Variants in DNMT3L observed in about 807,000 individuals in gnomAD.
The protein encoded by DNMT3L is DNA methyltransferase 3 like.
DNMT3L carries 33 observed loss-of-function variants against 36.2 expected under a neutral mutation model. That is an observed-to-expected ratio of 0.91 (90% CI 0.69 to 1.22). The LOEUF (loss-of-function observed/expected upper bound fraction) is 1.22. Ranked by LOEUF, DNMT3L falls within the 50% of genes most tolerant of loss-of-function variation. The probability of loss-of-function intolerance (pLI) is 0.00; values close to 1 mark genes in which losing one functional copy is unlikely to be tolerated. For synonymous variants in DNMT3L, 117 were observed against 121.7 expected, an observed-to-expected ratio of 0.96 and a Z score of 0.26; for missense variants, 310 against 303.1, an observed-to-expected ratio of 1.02 and a Z score of -0.17.
intron 5 of DNMT3L, among the ~76,000 whole-genome samples, chr21:44,259,197 C>G (rs901454928): frequency 6.6e-6 from 1 of 152,110 alleles, no homozygotes; most frequent in Non-Finnish European, 1.5e-5. Flanking sequence ...TCCATCGCTC[C>G]CCTGCACAGC....
intron 3 of DNMT3L, among the ~76,000 whole-genome samples, chr21:44,260,101 T>C (rs563576796): frequency 4.1e-5 from 6 of 146,430 alleles, no homozygotes; most frequent in African/African-American, 1.3e-4. Flanking sequence ...TAAAATAGCA[T>C]GAGTCCCCAA....
chr21:44,259,476 C>G lies in DNMT3L; in HGVS notation c.305G>C (p.Gly102Ala), dbSNP rs549252923. Residue 102 changes from glycine to alanine, a missense_variant, in exon 5 of 12, where the codon GGA (glycine) becomes GCA (alanine). By Grantham distance (60) the Gly-to-Ala change is moderately conservative. Transcript: ENST00000628202. Reference protein sequence around the residue: ...YQSYCSICCSGETLLICGNPD... With the variant: ...YQSYCSICCSAETLLICGNPD... ...GTTTCCGCAGATGAGCAGCGTCTCT[C>G]CGGAGCAGCAGATGGAGCAGTAGGA... 15 of 1,613,676 alleles carry G rather than the reference C, an allele frequency of 9.3e-6. No homozygotes were observed. The East Asian group carries it at 2.9e-4, about 31-fold the overall frequency.
Position 44,256,080 on chromosome 21 carries a change from T to C in DNMT3L, c.591A>G (p.Glu197=), listed in dbSNP as rs760421938. Residue 197 remains glutamate (E), a synonymous_variant, in exon 7 of 12, where the codon GAA becomes GAG. Coordinates refer to ENST00000628202, the MANE Select transcript of DNMT3L (RefSeq NM_175867.3). ...RQPVRVLSLF[E]DIKKELTSLG... is the part of the protein sequence containing the mutation. ...TCACTGACTCACCTTTCTTGATGTCTTCAAAAAGGGACAGCACCCGGACTG... is the reference window on the plus strand; with the variant it reads ...TCACTGACTCACCTTTCTTGATGTCCTCAAAAAGGGACAGCACCCGGACTG... The C allele has an allele frequency of 8.1e-6, 13 of 1,613,750 alleles. No individual in the cohort carries two copies. Among genetic ancestry groups the C allele is most frequent in the African/African-American group, 2.7e-5 (2 of 74,870 alleles).
chr21:44,254,877 G>A (rs2146354914), intron 7 of DNMT3L, among the ~76,000 whole-genome samples, 172 bp from the exon 8 acceptor site: 1 of 152,326 alleles, frequency 6.6e-6, no homozygotes, highest in Middle Eastern at 3.4e-3. Context: ...CCAGGCTGGA[G>A]CGCAGTGGCG....
At chr21:44,254,001 G>T (rs1425373949) in intron 8 of DNMT3L, among the ~76,000 whole-genome samples, 3 of 152,178 alleles carry the variant, frequency 2.0e-5, no homozygotes, top group African/African-American at 2.4e-5. Context: ...CGGAGGTGAG[G>T]GGGGGCTGCT....
At chr21:44,255,857 T>C (rs1221741899) in intron 7 of DNMT3L, among the ~76,000 whole-genome samples, 1 of 152,126 alleles carries the variant, frequency 6.6e-6, no homozygotes, top group East Asian at 1.9e-4. Context: ...CTTCATGGAT[T>C]TGGCTGTGCC....
intron 6 of DNMT3L, among the ~76,000 whole-genome samples, chr21:44,257,705 T>TAA (rs1568916386): frequency 3.6e-5 from 3 of 82,276 alleles, no homozygotes; most frequent in African/African-American, 1.8e-4. Context: ...AATAAATAAA[T>TAA]AAATAAATAA....
intron 7 of DNMT3L, among the ~76,000 whole-genome samples, chr21:44,255,428 G>A (rs1256157898): frequency 6.6e-6 from 1 of 151,564 alleles, no homozygotes; most frequent in Non-Finnish European, 1.5e-5. Flanking sequence ...GGCTGAGGCA[G>A]GAGAATTGGT....
chr21:44,261,284 G>A lies in DNMT3L; in HGVS notation c.-7-18C>T. ...TGGGGATGCTGTGTCAGGACACACG[G>A]ACACAGATGTGAGAAAGCCGTCAGC... On this transcript the variant is annotated intron_variant, in intron 1 of 11. Transcript: ENST00000628202. The A allele has an allele frequency of 6.2e-7, 1 of 1,608,686 alleles. No individual in the cohort carries two copies. The highest frequency in any genetic ancestry group is 8.5e-7 in the Non-Finnish European group (1 of 1,177,574).
intron 6 of DNMT3L, 147 bp from the exon 7 acceptor site, chr21:44,256,301 G>A: frequency 1.2e-6 from 1 of 813,990 alleles, no homozygotes; most frequent in African/African-American, 1.7e-5. Context: ...GGCTGACTGG[G>A]CCTGTCCTGA....
Position 44,258,798 on chromosome 21 carries a change from G to T in DNMT3L, c.345-104C>A. The T allele has an allele frequency of 6.9e-7, 1 of 1,446,318 alleles. No homozygotes were observed. The highest frequency in any genetic ancestry group is 9.2e-7 in the Non-Finnish European group (1 of 1,081,172). 89.6% of individuals were successfully genotyped at this position (1,446,318 alleles called of 1,614,324 possible). A position where few individuals can be genotyped will look rare whatever the true frequency, so the allele number is the denominator to read the frequency against. On this transcript the variant is annotated intron_variant, in intron 5 of 11. Coordinates refer to ENST00000628202, the MANE Select transcript of DNMT3L (RefSeq NM_175867.3). This position sits in a 1 kb window ranked among gnomAD's most constrained non-coding sequence, Gnocchi z 6.2. ...GCCTTGTTTTGGAGGGAAAAGTCAC[G>T]CTGGAGCTCCCTTTGGGAAGACCAG...
Position 44,260,800 on chromosome 21 carries a change from A to G in DNMT3L, c.146T>C (p.Ile49Thr), listed in dbSNP as rs763913786. ...AYEVKANQRN[I>T]EDICICCGSL... The stretch of plus-strand genomic sequence containing the variant: ...GCCAGTATGCAAACACTCACCTTCT[A>G]TATTTCGCTGGTTAGCCTTGACTTC... Residue 49 changes from isoleucine (I) to threonine (T), a missense_variant, in exon 3 of 12, where the codon ATA (isoleucine) becomes ACA (threonine). By Grantham distance (89) the Ile-to-Thr change is moderately conservative. Transcript: ENST00000628202. The G allele has an allele frequency of 3.9e-5, 63 of 1,613,034 alleles. No individual in the cohort carries two copies. The highest frequency in any genetic ancestry group is 5.2e-5 in the Non-Finnish European group (61 of 1,179,914).
At chr21:44,255,804 TCCCAGC>T (rs1460939133) in intron 7 of DNMT3L, among the ~76,000 whole-genome samples, 1 of 152,184 alleles carries the variant, frequency 6.6e-6, no homozygotes, top group Non-Finnish European at 1.5e-5. Flanking sequence ...TTAGTGGGTG[TCCCAGC>T]GGGACACATC....
In DNMT3L at chr21:44,259,596, G is replaced by A. The variant is rs1428932213; in HGVS notation, c.231+36C>T. Reference sequence around the variant, plus strand: ...CTGGCTTGTGTCATCCCTGCTCTGAGGCCATGAGGGAGTCACCCCCAGCCT... The same window carrying A: ...CTGGCTTGTGTCATCCCTGCTCTGAAGCCATGAGGGAGTCACCCCCAGCCT... On this transcript the variant is annotated intron_variant, in intron 4 of 11. Transcript: ENST00000628202. 4 of 1,613,218 alleles carry A rather than the reference G, an allele frequency of 2.5e-6. No individual in the cohort carries two copies. The East Asian group carries it at 8.9e-5, about 36-fold the overall frequency.
Position 44,256,293 on chromosome 21 carries a change from C to T in DNMT3L, c.517-139G>A, listed in dbSNP as rs554284038. 8.2e-4 allele frequency: 683 copies of T among 836,968 alleles called. 1 individual carries two copies. The highest frequency in any genetic ancestry group is 3.4e-3 in the Middle Eastern group (15 of 4,426). The allele number at this position is 836,968 out of a possible 1,614,324, so 51.8% of individuals were successfully genotyped here. ...CACACATAAGACACACCTGCTGAGG[C>T]TGACTGGGCCTGTCCTGACCAGCAC... On this transcript the variant is annotated intron_variant, in intron 6 of 11. Coordinates refer to ENST00000628202, the MANE Select transcript of DNMT3L (RefSeq NM_175867.3).
chr21:44,253,487 C>T (rs553951904), intron 8 of DNMT3L, among the ~76,000 whole-genome samples: 7 of 152,048 alleles, frequency 4.6e-5, no homozygotes, highest in Non-Finnish European at 5.9e-5. Context: ...GAGGCCAAGG[C>T]GGGTGGATCA....
In DNMT3L at chr21:44,258,495, G is replaced by A. The variant is rs758379786; in HGVS notation, c.516+28C>T. 41 of 1,524,686 alleles carry A rather than the reference G, an allele frequency of 2.7e-5. No individual in the cohort carries two copies. Among genetic ancestry groups the A allele is most frequent in the Admixed American group, 8.1e-5 (4 of 49,326 alleles). The allele number at this position is 1,524,686 out of a possible 1,614,324, so 94.4% of individuals were successfully genotyped here. ...CCGTAAGTCAGGGCCTGCTGCTGCC[G>A]GGTGCTGCCCCTCCACGGGCTCCTT... On this transcript the variant is annotated intron_variant, in intron 6 of 11. Transcript: ENST00000628202. The surrounding 1 kb of genome is among the most constrained non-coding windows in gnomAD (Gnocchi z 6.2).
intron 8 of DNMT3L, among the ~76,000 whole-genome samples, chr21:44,253,666 C>T (rs570723848): frequency 6.6e-6 from 1 of 152,142 alleles, no homozygotes; most frequent in African/African-American, 2.4e-5. Context: ...TTGCAGTGAG[C>T]CCAGATTGTG....
rs765887620 is a variant in DNMT3L, at chr21:44,261,259, TG to T, written c.-1del. The T allele has an allele frequency of 1.2e-6, 2 of 1,612,278 alleles. No individual in the cohort carries two copies. Among genetic ancestry groups the T allele is most frequent in the South Asian group, 2.2e-5 (2 of 91,068 alleles). Reference sequence around the variant, plus strand: ...GGGTCCAGGGCTGGGATGGCCGCCATGGGGATGCTGTGTCAGGACACACGGA... The same window carrying T: ...GGGTCCAGGGCTGGGATGGCCGCCATGGGATGCTGTGTCAGGACACACGGA... On this transcript the variant is annotated 5_prime_UTR_variant, in exon 2 of 12. Transcript: ENST00000628202.
Sources: gnomAD v4.1 joint callset for allele counts (sites outside exome capture counted in the v4.1 genomes callset) on GRCh38, gnomAD v4.1.1 for gene constraint, Gnocchi (gnomAD v3.1) non-coding constraint, MANE v1.5 for transcripts, NCBI Gene and HGNC (gene_info 2026-07-23, HGNC 2026-07-21) for gene names.